Variants in EIF2AK2 observed in about 807,000 individuals in gnomAD.
EIF2AK2 encodes the protein interferon-induced, double-stranded RNA-activated protein kinase.
EIF2AK2 carries 40 observed loss-of-function variants against 70.5 expected under a neutral mutation model. The observed-to-expected ratio is 0.57, with a 90% CI of 0.44 to 0.74. EIF2AK2 has a LOEUF of 0.74. Ranked by LOEUF, EIF2AK2 falls within the 30% of genes least tolerant of loss-of-function variation. The pLI, the probability that EIF2AK2 is intolerant of heterozygous loss-of-function variation, is 0.00. For synonymous variants in EIF2AK2, 198 were observed against 220.9 expected, an observed-to-expected ratio of 0.90 and a Z score of 0.92; for missense variants, 555 against 644.3, an observed-to-expected ratio of 0.86 and a Z score of 1.50.
intron 5 of EIF2AK2, among the ~76,000 whole-genome samples, chr2:37,140,604 C>CCA (rs1558425470): frequency 6.6e-6 from 1 of 151,476 alleles, no homozygotes; most frequent in African/African-American, 2.4e-5. Flanking sequence ...GATACTGCCC[C>CCA]CCCCCGCAAA....
chr2:37,143,107 T>C (rs1675392878), intron 4 of EIF2AK2, among the ~76,000 whole-genome samples: 1 of 151,816 alleles, frequency 6.6e-6, no homozygotes, highest in African/African-American at 2.4e-5. Flanking sequence ...TGGGTGCCTG[T>C]AATCTCAGCT....
intron 1 of EIF2AK2, among the ~76,000 whole-genome samples, chr2:37,151,738 G>A (rs1675747883): frequency 6.6e-6 from 1 of 152,200 alleles, no homozygotes; most frequent in Admixed American, 6.5e-5. Flanking sequence ...TATCTACACA[G>A]CGGAATATTA....
In EIF2AK2 at chr2:37,102,731, G is replaced by A. The variant is rs1008376022; in HGVS notation, c.*4542C>T. ...CTAATTTTTGAACGAGGGCCGTACA[G>A]TTTCATTTTGCCCTTAGTCCCACAA... On this transcript the variant is annotated 3_prime_UTR_variant, in exon 17 of 17. Transcript: ENST00000233057. 6.6e-6 allele frequency: 1 copy of A among 152,110 alleles called. No individual in the cohort carries two copies. The highest frequency in any genetic ancestry group is 2.4e-5 in the African/African-American group (1 of 41,404). 9.4% of individuals were successfully genotyped at this position (152,110 alleles called of 1,614,324 possible). A position where few individuals can be genotyped will look rare whatever the true frequency, so the allele number is the denominator to read the frequency against.
At chr2:37,109,719 C>A (rs939798652) in intron 14 of EIF2AK2, among the ~76,000 whole-genome samples, 5 of 152,204 alleles carry the variant, frequency 3.3e-5, no homozygotes, top group African/African-American at 4.8e-5. Context: ...CATATTCATA[C>A]AATGGACTAC....
At chr2:37,133,043 T>C (rs1204319605) in intron 10 of EIF2AK2, among the ~76,000 whole-genome samples, 1 of 152,118 alleles carries the variant, frequency 6.6e-6, no homozygotes, top group African/African-American at 2.4e-5. Flanking sequence ...CTCAAATTAC[T>C]CAAACACTTG....
chr2:37,146,794 G>A, intron 4 of EIF2AK2, 59 bp downstream of exon 4: 1 of 1,590,416 alleles, frequency 6.3e-7, no homozygotes, highest in Non-Finnish European at 8.6e-7. Context: ...TTCTCACAGA[G>A]AGAAACAGAA....
chr2:37,139,484 T>C (rs1675251890), intron 6 of EIF2AK2, 147 bp downstream of exon 6: 1 of 1,179,066 alleles, frequency 8.5e-7, no homozygotes, highest in Non-Finnish European at 1.2e-6. Flanking sequence ...GGCCCCATGG[T>C]GCATGGCTCA....
intron 10 of EIF2AK2, among the ~76,000 whole-genome samples, chr2:37,130,442 T>A (rs575627905): frequency 6.6e-6 from 1 of 152,256 alleles, no homozygotes; most frequent in Non-Finnish European, 1.5e-5. Flanking sequence ...CTCCCCACAA[T>A]ACTCCTATTC....
At chr2:37,122,881 G>A (rs1184157275) in intron 11 of EIF2AK2, among the ~76,000 whole-genome samples, 1 of 152,118 alleles carries the variant, frequency 6.6e-6, no homozygotes, top group Non-Finnish European at 1.5e-5. Flanking sequence ...AAAATAAAAG[G>A]CAGTGGCCGG....
intron 1 of EIF2AK2, among the ~76,000 whole-genome samples, chr2:37,149,788 C>T (rs1675680089): frequency 6.6e-6 from 1 of 152,178 alleles, no homozygotes; most frequent in South Asian, 2.1e-4. Context: ...AGTGACCAGT[C>T]GTGTTACTTG....
chr2:37,154,335 A>C (rs1558434727), intron 1 of EIF2AK2, among the ~76,000 whole-genome samples: 1 of 151,830 alleles, frequency 6.6e-6, no homozygotes, highest in African/African-American at 2.4e-5. Context: ...CAAAAAAAAA[A>C]ACAAAAACAA....
chr2:37,131,113 A>T (rs1020639368), intron 10 of EIF2AK2, among the ~76,000 whole-genome samples: 1 of 151,988 alleles, frequency 6.6e-6, no homozygotes, highest in African/African-American at 2.4e-5. Context: ...CTATCACTAA[A>T]CCTCTTTATG....
At chr2:37,141,956 C>T (rs1675347961) in intron 4 of EIF2AK2, among the ~76,000 whole-genome samples, 1 of 152,144 alleles carries the variant, frequency 6.6e-6, no homozygotes. Flanking sequence ...TACTATAACA[C>T]TTTCTAGCTT....
At chr2:37,134,989 C>T (rs1232058748) in intron 10 of EIF2AK2, among the ~76,000 whole-genome samples, 1 of 152,178 alleles carries the variant, frequency 6.6e-6, no homozygotes, top group African/African-American at 2.4e-5. Context: ...ATTGGCCACT[C>T]CCTTAACATA....
chr2:37,138,167 T>C (rs1318462556), intron 8 of EIF2AK2, 103 bp downstream of exon 8: 1 of 848,918 alleles, frequency 1.2e-6, no homozygotes, highest in East Asian at 2.8e-5. Context: ...GTGCATAAGA[T>C]AAAAAATATA....
intron 15 of EIF2AK2, among the ~76,000 whole-genome samples, chr2:37,108,275 A>G (rs1422486397): frequency 1.3e-5 from 2 of 151,864 alleles, no homozygotes; most frequent in Non-Finnish European, 2.9e-5. Flanking sequence ...CTCACCAACC[A>G]CTACTTCCTT....
rs202169109 is a variant in EIF2AK2 at position 37,126,308 on chromosome 2, G to A, written c.889C>T (p.Arg297Cys). The change falls in exon 11 of 17, where the codon CGT becomes TGT. Residue 297 changes from arginine (R) to cysteine (C), a missense_variant. Coordinates refer to ENST00000233057, the MANE Select transcript of EIF2AK2 (RefSeq NM_001135651.3). ...RIDGKTYVIK[R>C]VKYNNEKAER... ...ACTTACTCGTTATTATATTTAACAC[G>A]TTTAATAACGTAAGTCTTTCCGTCA... The A allele has an allele frequency of 5.6e-6, 9 of 1,605,954 alleles. No individual in the cohort carries two copies. Among genetic ancestry groups the A allele is most frequent in the South Asian group, 3.3e-5 (3 of 90,028 alleles).
rs995694130 is a variant in EIF2AK2 at position 37,102,906 on chromosome 2, C to T, written c.*4367G>A. ...ATTTTATGTATGTATTTATGTTAAA[C>T]ATGTACGTATTTAAATAACATGTGG... On this transcript the variant is annotated 3_prime_UTR_variant, in exon 17 of 17. Transcript: ENST00000233057. 5 of 151,960 alleles carry T rather than the reference C, an allele frequency of 3.3e-5. No individual in the cohort carries two copies. Among genetic ancestry groups the T allele is most frequent in the Admixed American group, 1.3e-4 (2 of 15,260 alleles). 9.4% of individuals were successfully genotyped at this position (151,960 alleles called of 1,614,324 possible). A position where few individuals can be genotyped will look rare whatever the true frequency, so the allele number is the denominator to read the frequency against.
In EIF2AK2 at chr2:37,135,528, A is replaced by C; in HGVS notation, c.741T>G (p.Phe247Leu). The change falls in exon 10 of 17, where the codon TTT becomes TTG. Residue 247 changes from phenylalanine (F) to leucine (L), a missense_variant. Phe to Leu is a conservative substitution (Grantham distance 22, BLOSUM62 0). Transcript: ENST00000233057. ...RKAKRSLAPR[F>L]DLPDMKETKY... ...TTGTTTCTTTCATGTCAGGAAGGTC[A>C]AATCTGGGTGCCAAAGATCTAAAAA... is the stretch of plus-strand genomic sequence containing the variant. The C allele has an allele frequency of 6.2e-7, 1 of 1,610,696 alleles. No homozygotes were observed. Among genetic ancestry groups the C allele is most frequent in the South Asian group, 1.1e-5 (1 of 90,262 alleles).
Sources: gnomAD v4.1 joint callset for allele counts (sites outside exome capture counted in the v4.1 genomes callset) on GRCh38, gnomAD v4.1.1 for gene constraint, MANE v1.5 for transcripts, NCBI Gene and HGNC (gene_info 2026-07-23, HGNC 2026-07-21) for gene names.